The following GABPB2 variants were observed in gnomAD, a reference collection of about 807,000 sequenced individuals.
The protein encoded by GABPB2 is GA binding protein transcription factor subunit beta 2, also known as GA-binding protein subunit beta-2.
In GABPB2, 23 loss-of-function variants were observed where a neutral mutation model predicts 39.1. The ratio of observed to expected loss-of-function variants is 0.59; its 90% CI spans 0.42 to 0.83. The LOEUF (loss-of-function observed/expected upper bound fraction) is 0.83, where lower values mean the gene tolerates loss of function less well. Ranked by LOEUF, GABPB2 falls within the 40% of genes least tolerant of loss-of-function variation. The pLI is 0.00. For missense variants in GABPB2, 467 were observed against 541.1 expected, an observed-to-expected ratio of 0.86 and a Z score of 1.36; for synonymous variants, 184 against 199.3, an observed-to-expected ratio of 0.92 and a Z score of 0.65.
chr1:151,088,520 A>G, intron 2 of GABPB2: 1 of 1,123,126 alleles, frequency 8.9e-7, no homozygotes, highest in Non-Finnish European at 1.2e-6. Flanking sequence ...ATTGTAAGGT[A>G]TTATATACTT....
intron 6 of GABPB2, among the ~76,000 whole-genome samples, chr1:151,104,746 G>A (rs192933803): frequency 7.5e-6 from 1 of 132,614 alleles, no homozygotes; most frequent in East Asian, 3.2e-4. Flanking sequence ...TTACTGCAAA[G>A]TTCTATCTGT....
chr1:151,101,459 A>G (rs1679517751), intron 5 of GABPB2, among the ~76,000 whole-genome samples: 1 of 151,942 alleles, frequency 6.6e-6, no homozygotes, highest in Non-Finnish European at 1.5e-5. Flanking sequence ...CTGTAGTCCC[A>G]GTTACTAGGG....
chr1:151,084,050 T>TTA (rs2101462755), intron 1 of GABPB2, among the ~76,000 whole-genome samples: 1 of 150,286 alleles, frequency 6.7e-6, no homozygotes, highest in African/African-American at 2.4e-5. Flanking sequence ...TTTATTTTTA[T>TTA]TATATATATA....
intron 7 of GABPB2, among the ~76,000 whole-genome samples, chr1:151,108,231 A>G (rs1343632588): frequency 6.6e-6 from 1 of 152,146 alleles, no homozygotes; most frequent in Non-Finnish European, 1.5e-5. Flanking sequence ...GCGCAGTGGC[A>G]GGATCTTGGC....
At chr1:151,078,485 C>G (rs1571886780) in intron 1 of GABPB2, among the ~76,000 whole-genome samples, 1 of 151,232 alleles carries the variant, frequency 6.6e-6, no homozygotes, top group African/African-American at 2.4e-5. Context: ...CCCAGCCACT[C>G]AGGAGGCTGA....
intron 7 of GABPB2, among the ~76,000 whole-genome samples, chr1:151,110,125 G>T (rs1680306149): frequency 6.9e-6 from 1 of 144,312 alleles, no homozygotes; most frequent in Admixed American, 7.5e-5. Flanking sequence ...GCCTCCCAAA[G>T]TGCTGGGATT....
chr1:151,088,183 C>T lies in GABPB2; in HGVS notation c.1-7C>T, dbSNP rs929973542. 1.2e-6 allele frequency: 2 copies of T among 1,607,936 alleles called. No homozygotes were observed. Among genetic ancestry groups the T allele is most frequent in the African/African-American group, 1.3e-5 (1 of 74,772 alleles). ...CTACCTGAAAACTTTTGTTCCTATG[C>T]ATAAAGATGTCTTTGGTGGACTTGG... On this transcript the variant is annotated splice_polypyrimidine_tract_variant and splice_region_variant and intron_variant, in intron 1 of 8. Transcript: ENST00000368918.
intron 7 of GABPB2, among the ~76,000 whole-genome samples, chr1:151,109,130 G>C (rs1225526037): frequency 6.6e-6 from 1 of 151,894 alleles, no homozygotes; most frequent in African/African-American, 2.4e-5. Flanking sequence ...GCTCAAGGTC[G>C]CAGTATGCTA....
chr1:151,106,396 G>A (rs1243944313), intron 6 of GABPB2, among the ~76,000 whole-genome samples: 1 of 152,112 alleles, frequency 6.6e-6, no homozygotes, highest in Non-Finnish European at 1.5e-5. Flanking sequence ...GGAGTGCAGT[G>A]GCTCCATCTC....
intron 6 of GABPB2, among the ~76,000 whole-genome samples, chr1:151,105,624 C>T (rs987955195): frequency 6.6e-6 from 1 of 151,858 alleles, no homozygotes; most frequent in African/African-American, 2.4e-5. Context: ...AGTGATCCTC[C>T]CACATCAGCC....
chr1:151,114,159 G>A (rs1349268870), intron 7 of GABPB2, among the ~76,000 whole-genome samples: 1 of 150,894 alleles, frequency 6.6e-6, no homozygotes, highest in East Asian at 1.9e-4. Context: ...CAGCCTGGAC[G>A]ATATGACGAA....
chr1:151,114,179 T>TAA (rs35201533), intron 7 of GABPB2, among the ~76,000 whole-genome samples: 1 of 147,716 alleles, frequency 6.8e-6, no homozygotes, highest in African/African-American at 2.5e-5. Flanking sequence ...AACCCATCTC[T>TAA]AAAAAAAAAT....
chr1:151,086,946 C>G (rs1389201721), intron 1 of GABPB2, among the ~76,000 whole-genome samples: 1 of 152,124 alleles, frequency 6.6e-6, no homozygotes, highest in Non-Finnish European at 1.5e-5. Context: ...CATCCACCTC[C>G]CAGGTTCAAG....
chr1:151,080,912 C>G (rs1200443223), intron 1 of GABPB2, among the ~76,000 whole-genome samples: 1 of 149,590 alleles, frequency 6.7e-6, no homozygotes, highest in African/African-American at 2.4e-5. Flanking sequence ...TCGCTCTGTC[C>G]CCCAGGCTGG....
chr1:151,096,034 C>CA (rs11307389), intron 4 of GABPB2, among the ~76,000 whole-genome samples: 25 of 107,502 alleles, frequency 2.3e-4, no homozygotes, highest in Admixed American at 4.9e-4. Flanking sequence ...GTGAGACTCT[C>CA]AAAAAAAAAA....
At chr1:151,108,826 G>T (rs935704789) in intron 7 of GABPB2, among the ~76,000 whole-genome samples, 3 of 152,092 alleles carry the variant, frequency 2.0e-5, no homozygotes, top group African/African-American at 7.2e-5. Context: ...ATTCAAAAAA[G>T]ACATAGTTAA....
rs189873061 is a variant in GABPB2, at chr1:151,107,974, G to A, written c.922+752G>A. On this transcript the variant is annotated intron_variant, in intron 7 of 8. Transcript: ENST00000368918. Reference sequence around the variant, plus strand: ...AAAGAAAGAAAAAGAAAATATTTTCGACCTACTTCATTCATAACGAGAAGT... The same window carrying A: ...AAAGAAAGAAAAAGAAAATATTTTCAACCTACTTCATTCATAACGAGAAGT... 3.4e-4 allele frequency among the ~76,000 whole-genome samples: 51 copies of A among 151,688 alleles called. 1 individual carries two copies. The highest frequency in any genetic ancestry group is 1.2e-3 in the African/African-American group (50 of 41,372).
In GABPB2 at chr1:151,118,470, G is replaced by A. The variant is rs948604301; in HGVS notation, c.*214G>A. On this transcript the variant is annotated 3_prime_UTR_variant, in exon 9 of 9. Transcript: ENST00000368918. ...TTTTCTGAGGGGCCAAAAGAATAAA[G>A]GACCAAATTTCTTAGCTCATATCAT... The A allele has an allele frequency of 1.7e-5, 8 of 476,116 alleles. No individual in the cohort carries two copies. Among genetic ancestry groups the A allele is most frequent in the Non-Finnish European group, 3.0e-5 (8 of 268,556 alleles). 29.5% of individuals were successfully genotyped at this position (476,116 alleles called of 1,614,324 possible).
intron 1 of GABPB2, among the ~76,000 whole-genome samples, chr1:151,075,741 CACAAA>C (rs939325616): frequency 8.6e-5 from 13 of 151,438 alleles, no homozygotes; most frequent in Non-Finnish European, 1.2e-4. Context: ...CCCAAAAAAA[CACAAA>C]ACAAAACAAA....
Sources: gnomAD v4.1 joint callset for allele counts (sites outside exome capture counted in the v4.1 genomes callset) on GRCh38, gnomAD v4.1.1 for gene constraint, MANE v1.5 for transcripts, NCBI Gene and HGNC (gene_info 2026-07-23, HGNC 2026-07-21) for gene names.